Variants in PPARGC1A observed in about 807,000 individuals in gnomAD.
PPARGC1A encodes the protein PPARG coactivator 1 alpha.
In PPARGC1A, 25 loss-of-function variants were observed where a neutral mutation model predicts 88.7. That is an observed-to-expected ratio of 0.28 (90% CI 0.21 to 0.39). PPARGC1A has a LOEUF of 0.39. Among genes scored for constraint, PPARGC1A ranks in the 10% least tolerant of loss-of-function variants. The pLI, the probability that PPARGC1A is intolerant of heterozygous loss-of-function variation, is 1.00. For synonymous variants in PPARGC1A, 363 were observed against 355.6 expected, an observed-to-expected ratio of 1.02 and a Z score of -0.24; for missense variants, 880 against 968.7, an observed-to-expected ratio of 0.91 and a Z score of 1.22.
the PPARGC1A span, among the ~76,000 whole-genome samples, chr4:24,049,887 C>T: frequency 2.6e-5 from 4 of 152,074 alleles, no homozygotes; most frequent in Admixed American, 6.6e-5. Context: ...TATTCTCTTG[C>T]TGAGAAGGGG....
the PPARGC1A span, among the ~76,000 whole-genome samples, chr4:24,442,737 T>C: frequency 6.6e-6 from 1 of 152,312 alleles, no homozygotes; most frequent in East Asian, 1.9e-4. Context: ...GAATTAATTG[T>C]CCAAGTTGCA....
chr4:23,909,421 G>C, the PPARGC1A span, among the ~76,000 whole-genome samples: 1 of 152,150 alleles, frequency 6.6e-6, no homozygotes, highest in Non-Finnish European at 1.5e-5. Context: ...GGATGCCAAT[G>C]TACAGATATA....
chr4:24,295,026 A>G, the PPARGC1A span, among the ~76,000 whole-genome samples: 1 of 152,202 alleles, frequency 6.6e-6, no homozygotes, highest in East Asian at 1.9e-4. Context: ...GCTGTGGTCA[A>G]TCACAGGCAT....
chr4:24,348,371 T>C, the PPARGC1A span, among the ~76,000 whole-genome samples: 57 of 152,314 alleles, frequency 3.7e-4, 1 homozygote, highest in South Asian at 0.012. Flanking sequence ...CCCAGGGAAG[T>C]TTTCCTTGAT....
the PPARGC1A span, among the ~76,000 whole-genome samples, chr4:24,159,592 C>A: frequency 1.9e-4 from 29 of 152,236 alleles, 2 homozygotes; most frequent in African/African-American, 7.0e-4. Flanking sequence ...ACCTCCAAAC[C>A]AATTCTCATC....
At chr4:24,388,813 C>G in the PPARGC1A span, among the ~76,000 whole-genome samples, 2 of 150,712 alleles carry the variant, frequency 1.3e-5, no homozygotes, top group Non-Finnish European at 2.9e-5. Flanking sequence ...ACACTGGAGC[C>G]TGTTGGAGGG....
chr4:23,806,259 A>C (rs577693891), intron 10 of PPARGC1A, among the ~76,000 whole-genome samples: 1 of 152,366 alleles, frequency 6.6e-6, no homozygotes, highest in South Asian at 2.1e-4. Flanking sequence ...AATGAAAATA[A>C]AAGGCATCCA....
the PPARGC1A span, among the ~76,000 whole-genome samples, chr4:24,043,516 C>A: frequency 1.3e-5 from 2 of 152,070 alleles, no homozygotes; most frequent in African/African-American, 2.4e-5. Context: ...ATTATAAACA[C>A]CCCTTTTCTC....
At chr4:24,232,881 T>C in the PPARGC1A span, among the ~76,000 whole-genome samples, 1 of 152,174 alleles carries the variant, frequency 6.6e-6, no homozygotes. Context: ...TTCTAACATA[T>C]CTGCATGCAT....
the PPARGC1A span, among the ~76,000 whole-genome samples, chr4:24,370,861 C>T: frequency 2.1e-5 from 3 of 143,702 alleles, no homozygotes; most frequent in South Asian, 6.9e-4. Flanking sequence ...TTTGCTGCAC[C>T]TATCAACCCG....
the PPARGC1A span, among the ~76,000 whole-genome samples, chr4:23,976,605 T>C: frequency 2.2e-4 from 33 of 152,270 alleles, no homozygotes; most frequent in African/African-American, 5.3e-4. Flanking sequence ...GATAGAGCCT[T>C]TAAGGAAGTA....
chr4:23,915,920 T>C, the PPARGC1A span, among the ~76,000 whole-genome samples: 1 of 152,214 alleles, frequency 6.6e-6, no homozygotes, highest in Non-Finnish European at 1.5e-5. Context: ...CTGTGCCTTC[T>C]ATCAGGCAGC....
the PPARGC1A span, among the ~76,000 whole-genome samples, chr4:23,922,689 A>G: frequency 6.6e-6 from 1 of 152,340 alleles, no homozygotes; most frequent in African/African-American, 2.4e-5. Flanking sequence ...GAATGCTTCA[A>G]TGAAAACGCC....
At chr4:24,242,616 C>T in the PPARGC1A span, among the ~76,000 whole-genome samples, 5 of 152,138 alleles carry the variant, frequency 3.3e-5, no homozygotes, top group Non-Finnish European at 5.9e-5. Flanking sequence ...TCTATCTGTC[C>T]CATAGCCAAC....
the PPARGC1A span, among the ~76,000 whole-genome samples, chr4:24,079,882 TG>T: frequency 2.0e-5 from 3 of 152,072 alleles, no homozygotes; most frequent in South Asian, 6.2e-4. Context: ...GTCTGTCTCT[TG>T]GCTCTTTCAA....
the PPARGC1A span, among the ~76,000 whole-genome samples, chr4:23,953,871 C>G: frequency 6.6e-6 from 1 of 151,992 alleles, no homozygotes; most frequent in Non-Finnish European, 1.5e-5. Flanking sequence ...GTATTCCAGG[C>G]ACCTCGTATG....
the PPARGC1A span, among the ~76,000 whole-genome samples, chr4:24,273,106 G>T: frequency 6.6e-6 from 1 of 152,258 alleles, no homozygotes; most frequent in East Asian, 1.9e-4. Context: ...GGCATCTCTT[G>T]CATCGTTTAA....
At chr4:24,209,395 G>A in the PPARGC1A span, among the ~76,000 whole-genome samples, 1 of 152,338 alleles carries the variant, frequency 6.6e-6, no homozygotes, top group Non-Finnish European at 1.5e-5. Flanking sequence ...TTCCTCAGCA[G>A]AGGACATTTG....
chr4:24,221,592 T>C, the PPARGC1A span, among the ~76,000 whole-genome samples: 5 of 152,154 alleles, frequency 3.3e-5, no homozygotes, highest in East Asian at 3.9e-4. Context: ...ATATGCATCA[T>C]AGTACAGAGG....
Sources: allele counts gnomAD v4.1 joint callset (sites outside exome capture counted in the v4.1 genomes callset), GRCh38; gene constraint gnomAD v4.1.1; transcripts MANE v1.5; gene names NCBI Gene and HGNC (gene_info 2026-07-23, HGNC 2026-07-21).